Variants in TTC29 observed in about 807,000 individuals in gnomAD.
TTC29 encodes tetratricopeptide repeat domain 29, also known as tetratricopeptide repeat protein 29.
A neutral mutation model predicts 58.1 loss-of-function variants in TTC29; 49 were observed. That is an observed-to-expected ratio of 0.84 (90% CI 0.67 to 1.07). TTC29 has a LOEUF of 1.07. Among genes scored for constraint, TTC29 ranks in the 50% least tolerant of loss-of-function variants. TTC29 has a pLI of 0.00. For synonymous variants in TTC29, 209 were observed against 196.8 expected, an observed-to-expected ratio of 1.06 and a Z score of -0.52; for missense variants, 582 against 555.6, an observed-to-expected ratio of 1.05 and a Z score of -0.48.
At chr4:146,787,812 G>A (rs1447938146) in intron 11 of TTC29, among the ~76,000 whole-genome samples, 3 of 152,050 alleles carry the variant, frequency 2.0e-5, no homozygotes, top group Admixed American at 2.0e-4. Flanking sequence ...AGGTGGGAAT[G>A]GCTTCTAATT....
chr4:146,852,938 T>A (rs1302451193), intron 8 of TTC29, among the ~76,000 whole-genome samples: 8 of 152,208 alleles, frequency 5.3e-5, no homozygotes, highest in African/African-American at 1.9e-4. Context: ...AATTCATTTT[T>A]AAATTCTTTT....
At chr4:146,735,261 G>A (rs1413151267) in intron 11 of TTC29, among the ~76,000 whole-genome samples, 7 of 152,096 alleles carry the variant, frequency 4.6e-5, no homozygotes, top group Admixed American at 3.9e-4. Context: ...TCAACGTGGG[G>A]GAAGGGAGAA....
intron 11 of TTC29, among the ~76,000 whole-genome samples, chr4:146,793,635 T>G (rs1476614131): frequency 8.5e-5 from 13 of 152,132 alleles, no homozygotes; most frequent in Admixed American, 8.5e-4. Flanking sequence ...ATGCCTCTAT[T>G]TGGCTTGATA....
intron 11 of TTC29, among the ~76,000 whole-genome samples, chr4:146,770,933 C>T (rs529810736): frequency 1.4e-4 from 21 of 152,164 alleles, no homozygotes; most frequent in Non-Finnish European, 2.5e-4. Flanking sequence ...TGAGAAACTG[C>T]ATGAAAATTG....
intron 4 of TTC29, among the ~76,000 whole-genome samples, chr4:146,913,744 A>G (rs2150291478): frequency 6.6e-6 from 1 of 152,222 alleles, no homozygotes; most frequent in Non-Finnish European, 1.5e-5. Flanking sequence ...ATAACCTTTC[A>G]ATAAAATCAT....
intron 11 of TTC29, among the ~76,000 whole-genome samples, chr4:146,708,125 A>G (rs1742120968): frequency 6.6e-6 from 1 of 151,994 alleles, no homozygotes; most frequent in East Asian, 1.9e-4. Flanking sequence ...AGTGACTTCA[A>G]TTAACGTCCA....
In TTC29 at chr4:146,721,853, A is replaced by G. The variant is rs567561970; in HGVS notation, c.1331-14302T>C. Among the ~76,000 whole-genome samples, 4 of 151,508 alleles carry G rather than the reference A, an allele frequency of 2.6e-5. No homozygotes were observed. In the East Asian group the frequency reaches 7.7e-4, roughly 29 times the overall value. On this transcript the variant is annotated intron_variant, in intron 11 of 12. Coordinates refer to ENST00000325106, the MANE Select transcript of TTC29 (RefSeq NM_031956.4). ...AAGAAGTAGAAAGTATCCAAATAGT[A>G]TAATAAGTCATAAAACGATCTCTCT...
rs1302846937 is a variant in TTC29, at chr4:146,874,853, G to C, written c.662C>G (p.Thr221Arg). 1.2e-6 allele frequency: 2 copies of C among 1,613,426 alleles called. No individual in the cohort carries two copies. The highest frequency in any genetic ancestry group is 3.3e-5 in the Admixed American group (2 of 59,970). Residue 221 changes from threonine (T) to arginine (R), a missense_variant, in exon 7 of 13, where the codon ACA becomes AGA. Physicochemically the swap from Thr to Arg is moderately conservative, Grantham distance 71 (BLOSUM62 -1). Transcript: ENST00000325106. ...LTQGRIWKDE[T>R]GRSLNLLACE... ...GGCCAACAAGTTGAGAGAGCGGCCTGTCTCATCCTTCCATATCCGCCCCTG... is the reference window on the plus strand; with the variant it reads ...GGCCAACAAGTTGAGAGAGCGGCCTCTCTCATCCTTCCATATCCGCCCCTG...
intron 4 of TTC29, among the ~76,000 whole-genome samples, chr4:146,925,697 T>C (rs1734887668): frequency 6.6e-6 from 1 of 152,146 alleles, no homozygotes; most frequent in Admixed American, 6.5e-5. Context: ...GCTACTTTGA[T>C]TATAGGATAA....
intron 11 of TTC29, among the ~76,000 whole-genome samples, chr4:146,785,029 C>A (rs772442296): frequency 6.6e-6 from 1 of 152,062 alleles, no homozygotes; most frequent in Non-Finnish European, 1.5e-5. Flanking sequence ...TTTGTTCCTA[C>A]GCAAAATGAC....
chr4:146,830,015 T>C (rs1457276056), intron 9 of TTC29, among the ~76,000 whole-genome samples: 1 of 152,164 alleles, frequency 6.6e-6, no homozygotes, highest in Non-Finnish European at 1.5e-5. Flanking sequence ...ACTCAAACTG[T>C]CTGTCTGTAT....
intron 11 of TTC29, among the ~76,000 whole-genome samples, chr4:146,728,279 C>T (rs1743937121): frequency 6.6e-6 from 1 of 150,588 alleles, no homozygotes; most frequent in Admixed American, 6.6e-5. Context: ...GAGTGAGAGC[C>T]CATCTCAAAA....
intron 11 of TTC29, among the ~76,000 whole-genome samples, chr4:146,755,654 C>G (rs546260658): frequency 6.6e-6 from 1 of 152,102 alleles, no homozygotes; most frequent in African/African-American, 2.4e-5. Context: ...TGTGACATGA[C>G]AGATTTGTTA....
At chr4:146,791,726 C>T (rs1411913540) in intron 11 of TTC29, among the ~76,000 whole-genome samples, 1 of 152,198 alleles carries the variant, frequency 6.6e-6, no homozygotes, top group African/African-American at 2.4e-5. Context: ...CGCTAGGCCT[C>T]TTGTGCCAAA....
intron 11 of TTC29, among the ~76,000 whole-genome samples, chr4:146,747,945 G>T (rs1288464432): frequency 6.6e-6 from 1 of 152,200 alleles, no homozygotes; most frequent in Non-Finnish European, 1.5e-5. Context: ...TGGAGTCATT[G>T]CTGTGCTGTT....
chr4:146,749,826 A>G (rs1745845179), intron 11 of TTC29, among the ~76,000 whole-genome samples: 1 of 152,262 alleles, frequency 6.6e-6, no homozygotes, highest in Admixed American at 6.5e-5. Context: ...GGGAATCCTC[A>G]ATAGACTATC....
At chr4:146,929,434 T>C (rs186767363) in intron 4 of TTC29, among the ~76,000 whole-genome samples, 348 of 152,306 alleles carry the variant, frequency 2.3e-3, no homozygotes, top group Non-Finnish European at 3.5e-3. Flanking sequence ...TTCAGTATTT[T>C]AGCTTCTTCC....
intron 6 of TTC29, among the ~76,000 whole-genome samples, chr4:146,879,333 T>C (rs536524034): frequency 5.9e-5 from 9 of 152,334 alleles, no homozygotes; most frequent in Admixed American, 4.6e-4. Flanking sequence ...AACAATGATA[T>C]GATTTCCATC....
intron 6 of TTC29, among the ~76,000 whole-genome samples, chr4:146,890,374 C>T (rs1732268990): frequency 6.6e-6 from 1 of 152,128 alleles, no homozygotes; most frequent in Admixed American, 6.5e-5. Context: ...ACTTGTGGGG[C>T]TATAAGAGCT....
Sources: gnomAD v4.1 joint callset for allele counts (sites outside exome capture counted in the v4.1 genomes callset) on GRCh38, gnomAD v4.1.1 for gene constraint, MANE v1.5 for transcripts, NCBI Gene and HGNC (gene_info 2026-07-23, HGNC 2026-07-21) for gene names.